Variants in ASTN2 observed in about 807,000 individuals in gnomAD.
ASTN2 encodes the protein astrotactin 2.
A neutral mutation model predicts 139.8 loss-of-function variants in ASTN2; 54 were observed. The observed-to-expected ratio is 0.39, with a 90% CI of 0.31 to 0.48. ASTN2 has a LOEUF of 0.48. ASTN2 is among the 20% of genes least tolerant of loss of function. The pLI is 0.95. For missense variants in ASTN2, 1,565 were observed against 1,725.1 expected (o/e 0.91, Z 1.64); for synonymous variants, 756 against 719.5 (o/e 1.05, Z -0.81).
chr9:117,060,900 A>T (rs1288126164), intron 5 of ASTN2, among the ~76,000 whole-genome samples: 3 of 152,238 alleles, frequency 2.0e-5, no homozygotes, highest in Middle Eastern at 3.4e-3. Context: ...GTCAAAAAGA[A>T]AGGGAAAAGA....
chr9:116,998,280 T>C (rs563478974), intron 7 of ASTN2, among the ~76,000 whole-genome samples: 12 of 152,276 alleles, frequency 7.9e-5, no homozygotes, highest in Admixed American at 7.2e-4. Context: ...TGAGGCTCTC[T>C]GGACTCATTT....
chr9:116,542,219 A>G (rs1851904892), intron 19 of ASTN2, among the ~76,000 whole-genome samples: 1 of 152,248 alleles, frequency 6.6e-6, no homozygotes, highest in Non-Finnish European at 1.5e-5. Flanking sequence ...TTTTCTTAGA[A>G]TAAGCAAATT....
intron 1 of ASTN2, among the ~76,000 whole-genome samples, chr9:117,399,253 C>T (rs530808122): frequency 3.3e-5 from 5 of 152,028 alleles, no homozygotes; most frequent in East Asian, 1.9e-4. Flanking sequence ...ACTGAATATA[C>T]GAAATGCTTG....
intron 1 of ASTN2, among the ~76,000 whole-genome samples, chr9:117,342,563 G>A (rs1226301098): frequency 2.0e-5 from 3 of 152,074 alleles, no homozygotes; most frequent in Non-Finnish European, 4.4e-5. Flanking sequence ...GTTTGGTACT[G>A]CCACTAATAA....
intron 13 of ASTN2, among the ~76,000 whole-genome samples, chr9:116,773,828 T>C (rs934978242): frequency 1.3e-5 from 2 of 152,126 alleles, no homozygotes; most frequent in African/African-American, 4.8e-5. Flanking sequence ...GACTTTTTTT[T>C]CCCTCCTACA....
intron 11 of ASTN2, among the ~76,000 whole-genome samples, chr9:116,839,028 A>C (rs1832107119): frequency 6.6e-6 from 1 of 152,220 alleles, no homozygotes; most frequent in South Asian, 2.1e-4. Flanking sequence ...CTAGGTAAGT[A>C]TTTGATTTCT....
At chr9:116,902,210 T>G (rs112220696) in intron 10 of ASTN2, among the ~76,000 whole-genome samples, 2 of 152,136 alleles carry the variant, frequency 1.3e-5, no homozygotes, top group African/African-American at 4.8e-5. Flanking sequence ...GGAAAAGATA[T>G]GGAGGTGGAA....
At chr9:117,366,254 A>T (rs566210378) in intron 1 of ASTN2, among the ~76,000 whole-genome samples, 1 of 152,306 alleles carries the variant, frequency 6.6e-6, no homozygotes, top group Non-Finnish European at 1.5e-5. Context: ...GACAATGGCA[A>T]TGACAAGCTG....
chr9:117,344,624 GAGA>G (rs1301315335), intron 1 of ASTN2, among the ~76,000 whole-genome samples: 1 of 152,104 alleles, frequency 6.6e-6, no homozygotes, highest in African/African-American at 2.4e-5. Context: ...CTCCTTGTAT[GAGA>G]AGAAGCATGT....
intron 11 of ASTN2, among the ~76,000 whole-genome samples, chr9:116,839,646 GT>G (rs1832131010): frequency 6.6e-6 from 1 of 151,744 alleles, no homozygotes; most frequent in Admixed American, 6.6e-5. Flanking sequence ...AGCCCCGTGT[GT>G]GCCACACCGG....
intron 6 of ASTN2, among the ~76,000 whole-genome samples, chr9:117,025,853 G>A (rs777290872): frequency 6.7e-6 from 1 of 149,574 alleles, no homozygotes; most frequent in African/African-American, 2.5e-5. Context: ...GTGCAGTCGC[G>A]TGATCTTGGC....
chr9:117,380,367 G>A (rs1039570789), intron 1 of ASTN2, among the ~76,000 whole-genome samples: 1 of 152,052 alleles, frequency 6.6e-6, no homozygotes, highest in African/African-American at 2.4e-5. Context: ...AGCACTTTGG[G>A]AGGCCAAGGT....
At chr9:117,399,516 A>C (rs1355772871) in intron 1 of ASTN2, among the ~76,000 whole-genome samples, 1 of 152,228 alleles carries the variant, frequency 6.6e-6, no homozygotes, top group African/African-American at 2.4e-5. Context: ...TGAGTGTTTT[A>C]ACTTCGATAG....
At chr9:117,387,107 T>C (rs1419954447) in intron 1 of ASTN2, among the ~76,000 whole-genome samples, 4 of 152,090 alleles carry the variant, frequency 2.6e-5, no homozygotes, top group Admixed American at 2.6e-4. Flanking sequence ...ACCAAGAAAA[T>C]GAGCAACACA....
intron 3 of ASTN2, among the ~76,000 whole-genome samples, chr9:117,176,420 T>C (rs1277069562): frequency 6.6e-6 from 1 of 152,228 alleles, no homozygotes; most frequent in East Asian, 1.9e-4. Flanking sequence ...TTTAACATTT[T>C]AAATGTAAAA....
intron 19 of ASTN2, among the ~76,000 whole-genome samples, chr9:116,489,838 G>T (rs1849457344): frequency 6.6e-6 from 1 of 152,140 alleles, no homozygotes; most frequent in Non-Finnish European, 1.5e-5. Context: ...ACAATACATG[G>T]TTCATAGACT....
rs185886049 is a variant in ASTN2 at position 116,924,733 on chromosome 9, C to T, written c.1889+50475G>A. Among the ~76,000 whole-genome samples the T allele has an allele frequency of 1.1e-3, 166 of 152,166 alleles. 1 individual carries two copies. The highest frequency in any genetic ancestry group is 3.8e-3 in the African/African-American group (157 of 41,518). On this transcript the variant is annotated intron_variant, in intron 10 of 22. Transcript: ENST00000313400. Reference sequence around the variant, plus strand: ...GCATATAATGAGCAGTGAGGATGACCAGAGGTCACTTTTGTGGCCATCTTG... The same window carrying T: ...GCATATAATGAGCAGTGAGGATGACTAGAGGTCACTTTTGTGGCCATCTTG...
chr9:117,248,274 G>A (rs1198990936), intron 2 of ASTN2, among the ~76,000 whole-genome samples: 1 of 152,192 alleles, frequency 6.6e-6, no homozygotes, highest in Non-Finnish European at 1.5e-5. Context: ...AAATAGCAAG[G>A]ACAAAGGCCA....
intron 6 of ASTN2, among the ~76,000 whole-genome samples, chr9:117,019,090 C>G (rs1837799054): frequency 6.6e-6 from 1 of 151,944 alleles, no homozygotes; most frequent in Non-Finnish European, 1.5e-5. Context: ...TTTTTCGCTT[C>G]TGTCAACATA....
Sources: allele counts gnomAD v4.1 joint callset (sites outside exome capture counted in the v4.1 genomes callset), GRCh38; gene constraint gnomAD v4.1.1; transcripts MANE v1.5; gene names NCBI Gene and HGNC (gene_info 2026-07-23, HGNC 2026-07-21).